The following PKHD1 variants were observed in gnomAD, a reference collection of about 807,000 sequenced individuals.
PKHD1 encodes the protein PKHD1 ciliary IPT domain containing fibrocystin/polyductin.
A neutral mutation model predicts 412.0 loss-of-function variants in PKHD1; 291 were observed. The ratio of observed to expected loss-of-function variants is 0.71; its 90% confidence interval spans 0.64 to 0.78. The LOEUF (loss-of-function observed/expected upper bound fraction) is 0.78, where lower values mean the gene tolerates loss of function less well. Among genes scored for constraint, PKHD1 ranks in the 30% least tolerant of loss-of-function variants. The pLI, the probability that PKHD1 is intolerant of heterozygous loss-of-function variation, is 0.00. For missense variants in PKHD1, 4,825 were observed against 4,950.7 expected, an observed-to-expected ratio of 0.97 and a Z score of 0.76; for synonymous variants, 1,777 against 1,821.5, an observed-to-expected ratio of 0.98 and a Z score of 0.62.
At chr6:52,014,559 T>C (rs1398135560) in intron 34 of PKHD1, among the ~76,000 whole-genome samples, 1 of 149,666 alleles carries the variant, frequency 6.7e-6, no homozygotes, top group African/African-American at 2.5e-5. Flanking sequence ...ATATACTGGA[T>C]AAACAGATGG....
chr6:51,856,510 T>G (rs2151692209), intron 48 of PKHD1, among the ~76,000 whole-genome samples: 1 of 152,346 alleles, frequency 6.6e-6, no homozygotes, highest in Non-Finnish European at 1.5e-5. Flanking sequence ...GGCCAGAATT[T>G]TGCCTTGGAC....
intron 63 of PKHD1, among the ~76,000 whole-genome samples, chr6:51,640,224 G>A (rs1398901280): frequency 1.3e-5 from 2 of 152,126 alleles, no homozygotes; most frequent in African/African-American, 2.4e-5. Flanking sequence ...TCCCATCTTT[G>A]GAAGAATACA....
rs1415000866 is a variant in PKHD1, at chr6:51,874,982, G to A, written c.7351-4343C>T. 2.5e-4 allele frequency among the ~76,000 whole-genome samples: 17 copies of A among 68,406 alleles called. 3 individuals carry two copies. Among genetic ancestry groups the A allele is most frequent in the African/African-American group, 3.2e-4 (5 of 15,704 alleles). The allele number at this position is 68,406 out of a possible 152,430, so 44.9% of individuals were successfully genotyped here. On this transcript the variant is annotated intron_variant, in intron 46 of 66. Coordinates refer to ENST00000371117, the MANE Select transcript of PKHD1 (RefSeq NM_138694.4). ...CAAGGGGTCAGGGAGTTCCCTTTCC[G>A]AGTCAAAGAAAGGGGTGACGGACGC...
At chr6:52,055,541 C>A in intron 19 of PKHD1, 46 bp downstream of exon 19, 1 of 1,607,102 alleles carries the variant, frequency 6.2e-7, no homozygotes, top group Middle Eastern at 1.7e-4. Flanking sequence ...GAGAGCAATA[C>A]CAATACCTAC....
chr6:51,857,443 C>T (rs1306943653), intron 48 of PKHD1, among the ~76,000 whole-genome samples: 2 of 152,184 alleles, frequency 1.3e-5, no homozygotes, highest in Non-Finnish European at 2.9e-5. Context: ...TTAAGTGTTG[C>T]ACACTTGGGC....
At chr6:51,649,701 C>T (rs1012977187) in intron 61 of PKHD1, among the ~76,000 whole-genome samples, 2 of 152,114 alleles carry the variant, frequency 1.3e-5, no homozygotes, top group African/African-American at 4.8e-5. Flanking sequence ...AAGATAATAT[C>T]ACTGAGCAGA....
intron 60 of PKHD1, among the ~76,000 whole-genome samples, chr6:51,738,046 C>A (rs999638641): frequency 1.3e-5 from 2 of 152,210 alleles, no homozygotes; most frequent in African/African-American, 4.8e-5. Flanking sequence ...AATTACTCTG[C>A]CAAATTGCTG....
chr6:51,989,153 A>G (rs1796565067), intron 35 of PKHD1, among the ~76,000 whole-genome samples: 1 of 152,176 alleles, frequency 6.6e-6, no homozygotes, highest in African/African-American at 2.4e-5. Flanking sequence ...TGGTACTGAC[A>G]TTTTACCTTC....
chr6:51,934,654 G>GA (rs11324724), intron 36 of PKHD1, among the ~76,000 whole-genome samples: 20 of 149,786 alleles, frequency 1.3e-4, no homozygotes, highest in Non-Finnish European at 1.9e-4. Flanking sequence ...ATAAAATTAA[G>GA]AAAAAAAAAA....
At chr6:51,841,369 C>CCCTCT (rs1562437305) in intron 50 of PKHD1, among the ~76,000 whole-genome samples, 2 of 151,138 alleles carry the variant, frequency 1.3e-5, no homozygotes, top group East Asian at 3.9e-4. Context: ...AAGTTTCCTT[C>CCCTCT]CCTTTCCTTT....
intron 65 of PKHD1, among the ~76,000 whole-genome samples, chr6:51,631,378 AG>A (rs1214096282): frequency 6.6e-6 from 1 of 152,152 alleles, no homozygotes; most frequent in East Asian, 1.9e-4. Flanking sequence ...CCTGATCAAC[AG>A]GATGAAGAGA....
chr6:51,729,482 G>A (rs1309656779), intron 60 of PKHD1, among the ~76,000 whole-genome samples: 1 of 152,080 alleles, frequency 6.6e-6, no homozygotes, highest in Non-Finnish European at 1.5e-5. Context: ...TAGTGCTGAA[G>A]ATCAAGATAG....
At chr6:51,826,215 G>A (rs1032183690) in intron 52 of PKHD1, among the ~76,000 whole-genome samples, 3 of 152,034 alleles carry the variant, frequency 2.0e-5, no homozygotes, top group African/African-American at 7.2e-5. Flanking sequence ...AACATCACAC[G>A]ACTTTGATAA....
chr6:51,754,509 A>G (rs1786639697), intron 56 of PKHD1, among the ~76,000 whole-genome samples: 1 of 152,110 alleles, frequency 6.6e-6, no homozygotes, highest in Non-Finnish European at 1.5e-5. Context: ...AAGACTCTCA[A>G]CCCTTCTGCT....
intron 60 of PKHD1, among the ~76,000 whole-genome samples, chr6:51,719,631 A>G (rs1781673479): frequency 6.6e-6 from 1 of 152,282 alleles, no homozygotes; most frequent in East Asian, 1.9e-4. Context: ...CAAATGTGTT[A>G]CTGTTTTTAT....
At position 51,766,799 on chromosome 6, in the gene PKHD1, C is replaced by A. The variant is rs192766703; in HGVS notation, c.8642+5903G>T. Among the ~76,000 whole-genome samples, 6 of 151,912 alleles carry A rather than the reference C, an allele frequency of 3.9e-5. No individual in the cohort carries two copies. The East Asian group carries it at 1.2e-3, about 30-fold the overall frequency. Reference sequence around the variant, plus strand: ...ATGCTAAATGACGAGTTAATGGGTGCAAACATTTTCTAGTTGATCATTTGT... The same window carrying A: ...ATGCTAAATGACGAGTTAATGGGTGAAAACATTTTCTAGTTGATCATTTGT... On this transcript the variant is annotated intron_variant, in intron 55 of 66. Coordinates refer to ENST00000371117, the MANE Select transcript of PKHD1 (RefSeq NM_138694.4).
chr6:51,886,152 G>A (rs1374402210), intron 44 of PKHD1, among the ~76,000 whole-genome samples, 180 bp from the exon 45 acceptor site: 2 of 152,072 alleles, frequency 1.3e-5, no homozygotes, highest in African/African-American at 4.8e-5. Context: ...TACCCTCTGT[G>A]ACCTGCTCCC....
chr6:52,058,887 T>C (rs1252455939), intron 15 of PKHD1, among the ~76,000 whole-genome samples: 1 of 152,094 alleles, frequency 6.6e-6, no homozygotes, highest in Non-Finnish European at 1.5e-5. Context: ...AACCCTAGGA[T>C]TACATGACAC....
intron 60 of PKHD1, among the ~76,000 whole-genome samples, chr6:51,660,394 A>G (rs1562045223): frequency 6.6e-6 from 1 of 152,068 alleles, no homozygotes; most frequent in Non-Finnish European, 1.5e-5. Flanking sequence ...CCAGCAACCA[A>G]TTCTCCAGTG....
Sources: allele counts gnomAD v4.1 joint callset (sites outside exome capture counted in the v4.1 genomes callset), GRCh38; gene constraint gnomAD v4.1.1; transcripts MANE v1.5; gene names NCBI Gene and HGNC (gene_info 2026-07-23, HGNC 2026-07-21).